SKP1: variants seen among roughly 807,000 people sequenced by gnomAD.
SKP1 encodes the protein S-phase kinase associated protein 1.
SKP1 carries 1 observed loss-of-function variant against 21.5 expected under a neutral mutation model. The observed-to-expected ratio is 0.05, with a 90% CI of 0.02 to 0.22. The LOEUF (loss-of-function observed/expected upper bound fraction) is 0.22. SKP1 is among the 10% of genes least tolerant of loss of function. The pLI is 1.00. For missense variants in SKP1, 70 were observed against 192.0 expected (o/e 0.36, Z 3.76); for synonymous variants, 59 against 59.3 (o/e 0.99, Z 0.03).
In SKP1 at chr5:134,165,969, G is replaced by A. The variant is rs565029589; in HGVS notation, c.171+1201C>T. ...GCACTTTGGGAGGCCAAGGCAGGGA[G>A]ATCGTCTGAGGTCAGGAGTTGGAGA... On this transcript the variant is annotated intron_variant, in intron 3 of 5. Coordinates refer to ENST00000353411, the MANE Select transcript of SKP1 (RefSeq NM_170679.3). 2.2e-4 allele frequency among the ~76,000 whole-genome samples: 33 copies of A among 152,114 alleles called. No individual in the cohort carries two copies. In the East Asian group the frequency reaches 5.8e-3, roughly 27 times the overall value.
chr5:134,164,254 G>A (rs1761284019), intron 3 of SKP1, among the ~76,000 whole-genome samples: 1 of 151,066 alleles, frequency 6.6e-6, no homozygotes, highest in South Asian at 2.1e-4. Flanking sequence ...CGGAGGCAGA[G>A]GCTGCAGTGA....
Position 134,152,199 on chromosome 5 carries a change from T to A in SKP1, c.*5534A>T, listed in dbSNP as rs1338610827. On this transcript the variant is annotated 3_prime_UTR_variant, in exon 6 of 6. Transcript: ENST00000353411. ...CAGCCAAAAAATAAATAAATAAAAA[T>A]TAAAATTAAAAAAATTAGAATTTAG... is the stretch of plus-strand genomic sequence containing the variant. 4 of 150,866 alleles carry A rather than the reference T, an allele frequency of 2.7e-5. No individual in the cohort carries two copies. Among genetic ancestry groups the A allele is most frequent in the Non-Finnish European group, 5.9e-5 (4 of 68,030 alleles). The allele number at this position is 150,866 out of a possible 1,614,324, so 9.3% of individuals were successfully genotyped here. A position where few individuals can be genotyped will look rare whatever the true frequency, so the allele number is the denominator to read the frequency against.
At chr5:134,160,413 T>C (rs1761198880) in intron 4 of SKP1, among the ~76,000 whole-genome samples, 1 of 151,986 alleles carries the variant, frequency 6.6e-6, no homozygotes. Context: ...ATTTGGTCAA[T>C]AGTGTTATAT....
Position 134,150,994 on chromosome 5 carries a change from T to C in SKP1, c.*6739A>G, listed in dbSNP as rs1285554324. 6.6e-6 allele frequency: 1 copy of C among 152,262 alleles called. No homozygotes were observed. The highest frequency in any genetic ancestry group is 1.5e-5 in the Non-Finnish European group (1 of 68,076). The allele number at this position is 152,262 out of a possible 1,614,324, so 9.4% of individuals were successfully genotyped here. The stretch of plus-strand genomic sequence containing the variant: ...TAAAGATAGCATGGGATTAGGCATG[T>C]TAACTGGAAAGGGAAAACTTATGTC... On this transcript the variant is annotated 3_prime_UTR_variant, in exon 6 of 6. Coordinates refer to ENST00000353411, the MANE Select transcript of SKP1 (RefSeq NM_170679.3).
chr5:134,151,821 A>C lies in SKP1; in HGVS notation c.*5912T>G. 2.7e-6 allele frequency: 1 copy of C among 365,850 alleles called. No individual in the cohort carries two copies. The highest frequency in any genetic ancestry group is 5.7e-6 in the Non-Finnish European group (1 of 176,392). 22.7% of individuals were successfully genotyped at this position (365,850 alleles called of 1,614,324 possible). On this transcript the variant is annotated 3_prime_UTR_variant, in exon 6 of 6. Transcript: ENST00000353411. ...ACTGCAAGGCAACAAGTACATTATC[A>C]ATGAATTAGCCATCTATCACTCAAA...
intron 2 of SKP1, among the ~76,000 whole-genome samples, chr5:134,169,197 G>A (rs1295637410): frequency 6.6e-6 from 1 of 152,162 alleles, no homozygotes; most frequent in Non-Finnish European, 1.5e-5. Flanking sequence ...ATGACATGGG[G>A]TTCACTGAGC....
In SKP1 at chr5:134,151,678, C is replaced by T. The variant is rs572130423; in HGVS notation, c.*6055G>A. ...CAGAAAATTTAAAGTTGACAGATAT[C>T]AGAAGGTCGCAAGAACTACAGATGT... On this transcript the variant is annotated 3_prime_UTR_variant, in exon 6 of 6. Transcript: ENST00000353411. The T allele has an allele frequency of 6.6e-6, 3 of 456,096 alleles. No individual in the cohort carries two copies. Among genetic ancestry groups the T allele is most frequent in the Admixed American group, 2.3e-5 (1 of 42,568 alleles). 28.3% of individuals were successfully genotyped at this position (456,096 alleles called of 1,614,324 possible).
At chr5:134,173,845 C>T in intron 2 of SKP1, 81 bp downstream of exon 2, 1 of 823,642 alleles carries the variant, frequency 1.2e-6, no homozygotes, top group Admixed American at 1.7e-5. Context: ...TTATGACAGG[C>T]TGCTGCTCAT....
chr5:134,168,788 C>T (rs901848694), intron 2 of SKP1, among the ~76,000 whole-genome samples: 4 of 151,896 alleles, frequency 2.6e-5, no homozygotes, highest in Non-Finnish European at 4.4e-5. Flanking sequence ...GAAGTTGCCA[C>T]CAATTGGTAA....
intron 2 of SKP1, among the ~76,000 whole-genome samples, chr5:134,169,596 G>A (rs1761400488): frequency 6.6e-6 from 1 of 152,242 alleles, no homozygotes; most frequent in African/African-American, 2.4e-5. Context: ...CGGGTGCAGT[G>A]GCTCACGCAT....
At chr5:134,172,487 T>A (rs1398942341) in intron 2 of SKP1, among the ~76,000 whole-genome samples, 1 of 152,138 alleles carries the variant, frequency 6.6e-6, no homozygotes, top group African/African-American at 2.4e-5. Flanking sequence ...CAAGACCTGT[T>A]TTCTAAGTCA....
intron 3 of SKP1, among the ~76,000 whole-genome samples, chr5:134,164,663 C>A (rs1385959431): frequency 2.0e-5 from 3 of 152,080 alleles, no homozygotes; most frequent in African/African-American, 7.2e-5. Flanking sequence ...ACGTTAATTG[C>A]AAGACATATT....
At chr5:134,157,996 T>A in intron 5 of SKP1, 1 of 1,505,302 alleles carries the variant, frequency 6.6e-7, no homozygotes, top group South Asian at 1.2e-5. Flanking sequence ...AATGGGCAAT[T>A]TACTAAAGTT....
chr5:134,153,734 T>A lies in SKP1; in HGVS notation c.*3999A>T, dbSNP rs760537899. ...CAAATTAACTTAAACAAAATTTATG[T>A]TGGGATCAGAACACAGCCCATAGGA... On this transcript the variant is annotated 3_prime_UTR_variant, in exon 6 of 6. Coordinates refer to ENST00000353411, the MANE Select transcript of SKP1 (RefSeq NM_170679.3). 6.6e-6 allele frequency: 1 copy of A among 152,220 alleles called. No homozygotes were observed. Among genetic ancestry groups the A allele is most frequent in the African/African-American group, 2.4e-5 (1 of 41,446 alleles). The allele number at this position is 152,220 out of a possible 1,614,324, so 9.4% of individuals were successfully genotyped here.
intron 5 of SKP1, 93 bp downstream of exon 5, chr5:134,158,362 T>C (rs1761156940): frequency 6.2e-7 from 1 of 1,605,666 alleles, no homozygotes; most frequent in Non-Finnish European, 8.5e-7. Flanking sequence ...GTATCAAGAC[T>C]ACTTGATACA....
rs1433278909 is a variant in SKP1, at chr5:134,151,807, A to G, written c.*5926T>C. 2 of 385,604 alleles carry G rather than the reference A, an allele frequency of 5.2e-6. No individual in the cohort carries two copies. The highest frequency in any genetic ancestry group is 1.5e-4 in the East Asian group (2 of 13,384). The allele number at this position is 385,604 out of a possible 1,614,324, so 23.9% of individuals were successfully genotyped here. A position where few individuals can be genotyped will look rare whatever the true frequency, so the allele number is the denominator to read the frequency against. ...CAGCAGTACACAAGACTGCAAGGCA[A>G]CAAGTACATTATCAATGAATTAGCC... On this transcript the variant is annotated 3_prime_UTR_variant, in exon 6 of 6. Transcript: ENST00000353411.
chr5:134,172,215 C>A (rs780365752), intron 2 of SKP1, among the ~76,000 whole-genome samples: 6 of 152,210 alleles, frequency 3.9e-5, no homozygotes, highest in Non-Finnish European at 5.9e-5. Context: ...TGTCTGACTT[C>A]CCTCCTAGTT....
intron 2 of SKP1, 148 bp downstream of exon 2, chr5:134,173,778 A>T (rs1168761847): frequency 2.8e-6 from 2 of 705,538 alleles, no homozygotes; most frequent in Non-Finnish European, 2.6e-6. Flanking sequence ...TGTATCAGAA[A>T]AATGTAAGTT....
Position 134,153,988 on chromosome 5 carries a change from G to A in SKP1, c.*3745C>T, listed in dbSNP as rs1761080655. On this transcript the variant is annotated 3_prime_UTR_variant, in exon 6 of 6. Coordinates refer to ENST00000353411, the MANE Select transcript of SKP1 (RefSeq NM_170679.3). ...GAGCTGGTGTATTCTGACAGTTGTAGAGTAAAAAGTCACAGCTATAATCCC... is the reference window on the plus strand; with the variant it reads ...GAGCTGGTGTATTCTGACAGTTGTAAAGTAAAAAGTCACAGCTATAATCCC... 1 of 152,198 alleles carries A rather than the reference G, an allele frequency of 6.6e-6. No individual in the cohort carries two copies. Among genetic ancestry groups the A allele is most frequent in the Non-Finnish European group, 1.5e-5 (1 of 68,042 alleles). The allele number at this position is 152,198 out of a possible 1,614,324, so 9.4% of individuals were successfully genotyped here. A position where few individuals can be genotyped will look rare whatever the true frequency, so the allele number is the denominator to read the frequency against.
Sources: gnomAD v4.1 joint callset for allele counts (sites outside exome capture counted in the v4.1 genomes callset) on GRCh38, gnomAD v4.1.1 for gene constraint, MANE v1.5 for transcripts, NCBI Gene and HGNC (gene_info 2026-07-23, HGNC 2026-07-21) for gene names.